Variants in DDX4 observed in about 807,000 individuals in gnomAD.
DDX4 encodes DEAD-box helicase 4.
In DDX4, 25 loss-of-function variants were observed where a neutral mutation model predicts 100.0. The ratio of observed to expected loss-of-function variants is 0.25; its 90% CI spans 0.18 to 0.35. The LOEUF (loss-of-function observed/expected upper bound fraction) is 0.35. DDX4 is among the 10% of genes least tolerant of loss of function. The pLI, the probability that DDX4 is intolerant of heterozygous loss-of-function variation, is 1.00. For synonymous variants in DDX4, 259 were observed against 275.7 expected, an observed-to-expected ratio of 0.94 and a Z score of 0.60; for missense variants, 635 against 882.4, an observed-to-expected ratio of 0.72 and a Z score of 3.55.
At chr5:55,804,997 G>C (rs1193629357) in intron 18 of DDX4, among the ~76,000 whole-genome samples, 2 of 151,572 alleles carry the variant, frequency 1.3e-5, no homozygotes, top group East Asian at 2.0e-4. Context: ...CTTTTATTTC[G>C]TTGAGCAGTG....
Position 55,785,435 on chromosome 5 carries a change from A to G in DDX4, c.674-12A>G. On this transcript the variant is annotated splice_polypyrimidine_tract_variant and intron_variant, in intron 11 of 21. Coordinates refer to ENST00000505374, the MANE Select transcript of DDX4 (RefSeq NM_024415.3). ...AAAACATGTATCTCTTTTTTATTTG[A>G]TCCTCTTCAAGATTCTTGGAAGTCA... 1 of 1,605,460 alleles carries G rather than the reference A, an allele frequency of 6.2e-7. No homozygotes were observed. Among genetic ancestry groups the G allele is most frequent in the Non-Finnish European group, 8.5e-7 (1 of 1,174,674 alleles).
rs1744393500 is a variant in DDX4, at chr5:55,815,957, T to G, written c.2098-506T>G. On this transcript the variant is annotated intron_variant, in intron 21 of 21. Transcript: ENST00000505374. ...AGCTGGTTTTTTTTTTTTTTTTTTT[T>G]GTATTTTTAATAGAGACAGGGTTTC... Among the ~76,000 whole-genome samples, 2 of 143,034 alleles carry G rather than the reference T, an allele frequency of 1.4e-5. 1 individual carries two copies. Among genetic ancestry groups the G allele is most frequent in the South Asian group, 4.4e-4 (2 of 4,594 alleles). 93.8% of individuals were successfully genotyped at this position (143,034 alleles called of 152,430 possible). A position where few individuals can be genotyped will look rare whatever the true frequency, so the allele number is the denominator to read the frequency against.
intron 19 of DDX4, among the ~76,000 whole-genome samples, 184 bp from the exon 20 acceptor site, chr5:55,814,714 TCTC>T (rs2112204970): frequency 6.6e-6 from 1 of 152,304 alleles, no homozygotes; most frequent in East Asian, 1.9e-4. Flanking sequence ...CTGGTCTCGA[TCTC>T]CTCACCTTGT....
At chr5:55,789,995 C>T (rs912656375) in intron 15 of DDX4, among the ~76,000 whole-genome samples, 1 of 151,820 alleles carries the variant, frequency 6.6e-6, no homozygotes, top group Admixed American at 6.6e-5. Flanking sequence ...CTTGCTAATC[C>T]TCATGTAACA....
At chr5:55,791,951 A>AACAC (rs372353234) in intron 16 of DDX4, among the ~76,000 whole-genome samples, 34 of 150,682 alleles carry the variant, frequency 2.3e-4, no homozygotes, top group African/African-American at 7.5e-4. Context: ...CTCTACTAAA[A>AACAC]ACACACACAC....
At chr5:55,766,894 GA>G in intron 6 of DDX4, 1 of 1,515,362 alleles carries the variant, frequency 6.6e-7, no homozygotes, top group South Asian at 1.2e-5. Flanking sequence ...TTTACATTTC[GA>G]AAAATCATTC....
chr5:55,743,242 G>A (rs1245392669), intron 2 of DDX4, among the ~76,000 whole-genome samples: 1 of 152,054 alleles, frequency 6.6e-6, no homozygotes, highest in African/African-American at 2.4e-5. Flanking sequence ...GCATTCCTCG[G>A]CTTGTGGCTG....
intron 14 of DDX4, 101 bp from the exon 15 acceptor site, chr5:55,787,745 T>C: frequency 4.0e-6 from 5 of 1,259,098 alleles, no homozygotes; most frequent in Non-Finnish European, 5.3e-6. Flanking sequence ...ACCAGTAAGA[T>C]GGAAGTAGAG....
intron 16 of DDX4, among the ~76,000 whole-genome samples, chr5:55,792,032 G>A (rs1742596881): frequency 6.7e-6 from 1 of 149,502 alleles, no homozygotes; most frequent in Admixed American, 6.7e-5. Context: ...GCTGAGGCAG[G>A]AGAATCACTT....
intron 2 of DDX4, among the ~76,000 whole-genome samples, chr5:55,742,514 A>G (rs1759036159): frequency 6.6e-6 from 1 of 152,212 alleles, no homozygotes; most frequent in African/African-American, 2.4e-5. Flanking sequence ...CATATATATG[A>G]TATTACAAAA....
In DDX4 at chr5:55,792,763, C is replaced by T; in HGVS notation, c.1425C>T (p.Arg475=). ...CAGGAATGCCATCAAAGGAACAGCG[C>T]CAAACCCTTATGTTCAGTGCAACTT... The part of the protein sequence containing the change: ...SCPGMPSKEQ[R]QTLMFSATFP... The change falls in exon 17 of 22, where the codon CGC becomes CGT. Residue 475 remains arginine, a synonymous_variant. Coordinates refer to ENST00000505374, the MANE Select transcript of DDX4 (RefSeq NM_024415.3). 1 of 1,582,186 alleles carries T rather than the reference C, an allele frequency of 6.3e-7. No individual in the cohort carries two copies. Among genetic ancestry groups the T allele is most frequent in the Non-Finnish European group, 8.6e-7 (1 of 1,162,420 alleles).
intron 5 of DDX4, 117 bp from the exon 6 acceptor site, chr5:55,763,897 C>G: frequency 2.9e-6 from 2 of 685,230 alleles, no homozygotes; most frequent in Admixed American, 4.6e-5. Context: ...CATGTGATAG[C>G]TATGTATACA....
chr5:55,746,805 A>G (rs377573768), intron 3 of DDX4, among the ~76,000 whole-genome samples: 3 of 151,896 alleles, frequency 2.0e-5, no homozygotes, highest in African/African-American at 4.8e-5. Context: ...GGGTTGTCCA[A>G]CTCTATTTTA....
In DDX4 at chr5:55,760,259, C is replaced by A. The variant is rs769838684; in HGVS notation, c.187C>A (p.Arg63=). Residue 63 remains arginine, a synonymous_variant, in exon 4 of 22, where the codon CGG becomes AGG. Transcript: ENST00000505374. ...CATGAAAAGTGGATTTGCCTCTGGG[C>A]GGAATTTTGGAAACAGAGGTAAGCA... The part of the protein sequence containing the change: ...HFMKSGFASG[R]NFGNRDAGEC... 4 of 1,568,310 alleles carry A rather than the reference C, an allele frequency of 2.6e-6. No individual in the cohort carries two copies. The highest frequency in any genetic ancestry group is 2.6e-6 in the Non-Finnish European group (3 of 1,163,230).
At chr5:55,806,156 G>A (rs1292738825) in intron 18 of DDX4, among the ~76,000 whole-genome samples, 1 of 152,056 alleles carries the variant, frequency 6.6e-6, no homozygotes, top group Non-Finnish European at 1.5e-5. Flanking sequence ...TATTTCTGTG[G>A]GATTGGTGGT....
chr5:55,804,404 A>C (rs1040915711), intron 18 of DDX4, among the ~76,000 whole-genome samples: 1 of 152,076 alleles, frequency 6.6e-6, no homozygotes, highest in Non-Finnish European at 1.5e-5. Flanking sequence ...GCCCATGCCT[A>C]TGTCCTGAAT....
At position 55,807,423 on chromosome 5, in the gene DDX4, G is replaced by A. The variant is rs538748930; in HGVS notation, c.1616-6250G>A. 4.6e-3 allele frequency among the ~76,000 whole-genome samples: 708 copies of A among 152,262 alleles called. 4 individuals are homozygous for A. Among genetic ancestry groups the A allele is most frequent in the African/African-American group, 0.016 (685 of 41,540 alleles). ...ATGCAGTTTCTTCCTAGCCTTGATG[G>A]TCTTTACAATTTGGCATGTTTTTGC... On this transcript the variant is annotated intron_variant, in intron 18 of 21. Transcript: ENST00000505374.
intron 11 of DDX4, 28 bp downstream of exon 11, chr5:55,785,372 AT>A (rs1742180884): frequency 1.3e-6 from 2 of 1,593,274 alleles, no homozygotes; most frequent in African/African-American, 1.3e-5. Flanking sequence ...AAGGTGTTTG[AT>A]TTTTATAGTG....
intron 18 of DDX4, among the ~76,000 whole-genome samples, chr5:55,800,306 C>G (rs776934099): frequency 6.6e-6 from 1 of 150,772 alleles, no homozygotes; most frequent in Non-Finnish European, 1.5e-5. Context: ...GAACATATTT[C>G]TAATATAGTC....
Sources: gnomAD v4.1 joint callset for allele counts (sites outside exome capture counted in the v4.1 genomes callset) on GRCh38, gnomAD v4.1.1 for gene constraint, MANE v1.5 for transcripts, NCBI Gene and HGNC (gene_info 2026-07-23, HGNC 2026-07-21) for gene names.